IFT81: variants seen among roughly 807,000 people sequenced by gnomAD.
IFT81 encodes the protein intraflagellar transport protein 81 homolog.
Under a neutral mutation model 102.6 loss-of-function variants are expected in IFT81, and 72 were observed. The ratio of observed to expected loss-of-function variants is 0.70; its 90% CI spans 0.58 to 0.85. IFT81 has a LOEUF of 0.85. IFT81 is among the 40% of genes least tolerant of loss of function. The pLI is 0.00. For missense variants in IFT81, 723 were observed against 787.3 expected, an observed-to-expected ratio of 0.92 and a Z score of 0.98; for synonymous variants, 237 against 242.7, an observed-to-expected ratio of 0.98 and a Z score of 0.22.
intron 14 of IFT81, chr12:110,203,615 T>C (rs1898418248): frequency 4.9e-6 from 2 of 409,818 alleles, no homozygotes; most frequent in African/African-American, 4.1e-5. Context: ...TTGGCTGTTT[T>C]ATTCACTATT....
At chr12:110,168,592 G>A (rs1018491820) in intron 11 of IFT81, 1 of 295,032 alleles carries the variant, frequency 3.4e-6, no homozygotes, top group Non-Finnish European at 5.0e-6. Context: ...TTGACTTCAT[G>A]TTTTAAGAGA....
chr12:110,162,331 C>CTTTTTTTTTTTTTTTTTTTTTTTT (rs1160267123), intron 10 of IFT81: 1 of 100,078 alleles, frequency 1.0e-5, no homozygotes, highest in Non-Finnish European at 1.9e-5. Context: ...TAATATTTTT[C>CTTTTTTTTTTTTTTTTTTTTTTTT]TTTTTTTTTT....
At chr12:110,210,730 GA>G (rs926241121) in intron 18 of IFT81, among the ~76,000 whole-genome samples, 10 of 144,556 alleles carry the variant, frequency 6.9e-5, no homozygotes, top group East Asian at 4.1e-4. Flanking sequence ...GTGACAGAGT[GA>G]AAAAAAAAAG....
chr12:110,130,204 C>CAT (rs1264713505), intron 4 of IFT81, among the ~76,000 whole-genome samples: 1 of 152,052 alleles, frequency 6.6e-6, no homozygotes, highest in Non-Finnish European at 1.5e-5. Context: ...CAGTAGATGC[C>CAT]ATGGGAGAAG....
intron 11 of IFT81, among the ~76,000 whole-genome samples, chr12:110,178,798 G>C: frequency 6.7e-6 from 1 of 148,950 alleles, no homozygotes; most frequent in African/African-American, 2.5e-5. Context: ...TGTATTTTTA[G>C]TAGAGATGGG....
intron 17 of IFT81, among the ~76,000 whole-genome samples, chr12:110,207,866 C>A (rs914642228): frequency 6.6e-6 from 1 of 152,076 alleles, no homozygotes; most frequent in African/African-American, 2.4e-5. Context: ...TTAAATCTCA[C>A]ATTTTGTCTT....
intron 11 of IFT81, among the ~76,000 whole-genome samples, chr12:110,180,183 T>C (rs79644879): frequency 1.8e-5 from 2 of 108,468 alleles, no homozygotes; most frequent in Non-Finnish European, 4.3e-5. Context: ...TTTAACCTGG[T>C]TAGGGATGAA....
At chr12:110,191,316 G>A (rs1397307918) in intron 13 of IFT81, among the ~76,000 whole-genome samples, 1 of 151,988 alleles carries the variant, frequency 6.6e-6, no homozygotes, top group Non-Finnish European at 1.5e-5. Context: ...GACTACAGGT[G>A]TGTGCCACCA....
chr12:110,201,293 T>C (rs1192562241), intron 14 of IFT81, among the ~76,000 whole-genome samples: 2 of 151,768 alleles, frequency 1.3e-5, no homozygotes, highest in Admixed American at 1.3e-4. Context: ...TCCCAGCTAC[T>C]TGGGAAGCTG....
chr12:110,197,049 ATT>A (rs2137562849), intron 14 of IFT81, among the ~76,000 whole-genome samples: 1 of 152,202 alleles, frequency 6.6e-6, no homozygotes, highest in East Asian at 1.9e-4. Context: ...AAGTAAAAAA[ATT>A]AGCTGAGCAT....
intron 11 of IFT81, among the ~76,000 whole-genome samples, chr12:110,174,720 C>T (rs924496956): frequency 1.3e-5 from 2 of 152,096 alleles, no homozygotes; most frequent in Non-Finnish European, 2.9e-5. Flanking sequence ...AAATAAACTG[C>T]CTATCCATTA....
At chr12:110,175,935 G>A (rs1378127672) in intron 11 of IFT81, among the ~76,000 whole-genome samples, 1 of 151,846 alleles carries the variant, frequency 6.6e-6, no homozygotes, top group African/African-American at 2.4e-5. Context: ...CAATAAACTT[G>A]CTTGTTTGCT....
intron 4 of IFT81, among the ~76,000 whole-genome samples, chr12:110,131,600 A>C (rs1222686659): frequency 2.0e-5 from 3 of 152,066 alleles, no homozygotes; most frequent in Admixed American, 2.0e-4. Flanking sequence ...CATCTGCCTC[A>C]GCATCCCAAA....
chr12:110,213,341 G>T (rs1869709366), intron 18 of IFT81, among the ~76,000 whole-genome samples: 1 of 151,708 alleles, frequency 6.6e-6, no homozygotes, highest in African/African-American at 2.4e-5. Flanking sequence ...TTTGAACTTT[G>T]CTGTTGGTAA....
Position 110,209,233 on chromosome 12 carries a change from A to T in IFT81, c.1848+17A>T. 7.5e-7 allele frequency: 1 copy of T among 1,339,056 alleles called. No individual in the cohort carries two copies. Among genetic ancestry groups the T allele is most frequent in the Non-Finnish European group, 1.1e-6 (1 of 941,486 alleles). 82.9% of individuals were successfully genotyped at this position (1,339,056 alleles called of 1,614,324 possible). A position where few individuals can be genotyped will look rare whatever the true frequency, so the allele number is the denominator to read the frequency against. ...CTTGGAAAGGTAAGAATTATTATTT[A>T]TTTTTTTAAATGTGTCTAACTGATT... On this transcript the variant is annotated intron_variant, in intron 18 of 18. Transcript: ENST00000242591.
At chr12:110,136,128 T>G (rs993354072) in intron 7 of IFT81, among the ~76,000 whole-genome samples, 10 of 152,214 alleles carry the variant, frequency 6.6e-5, no homozygotes, top group Non-Finnish European at 1.3e-4. Flanking sequence ...CTCTGCAGTT[T>G]ACTACAATGG....
chr12:110,180,447 G>T lies in IFT81; in HGVS notation c.1214G>T (p.Arg405Leu). 6.2e-7 allele frequency: 1 copy of T among 1,605,062 alleles called. No homozygotes were observed. The highest frequency in any genetic ancestry group is 2.2e-5 in the East Asian group (1 of 44,716). ...DEFKRYVNKLRSKSTVFKKKH... is the reference protein window; with the variant it reads ...DEFKRYVNKLLSKSTVFKKKH... ...TTCAAACGATATGTCAATAAACTTC[G>T]AAGCAAGAGTACAGTTTTCAAAAAG... The change falls in exon 12 of 19, where the codon CGA becomes CTA. Residue 405 changes from arginine to leucine, a missense_variant. Arg to Leu is a moderately radical substitution (Grantham distance 102). Transcript: ENST00000242591.
chr12:110,179,256 C>A (rs1897180655), intron 11 of IFT81, among the ~76,000 whole-genome samples: 1 of 152,114 alleles, frequency 6.6e-6, no homozygotes, highest in Non-Finnish European at 1.5e-5. Flanking sequence ...GGACTGCTAC[C>A]AAAATAGTAC....
chr12:110,128,933 G>A lies in IFT81; in HGVS notation c.249-17G>A, dbSNP rs1289282810. 11 of 1,604,282 alleles carry A rather than the reference G, an allele frequency of 6.9e-6. No individual in the cohort carries two copies. Among genetic ancestry groups the A allele is most frequent in the Non-Finnish European group, 9.4e-6 (11 of 1,173,326 alleles). On this transcript the variant is annotated splice_polypyrimidine_tract_variant and intron_variant, in intron 3 of 18. Coordinates refer to ENST00000242591, the MANE Select transcript of IFT81 (RefSeq NM_014055.4). ...GTTAAGTGCGTGTGTGTTTGTGTATGTGTGTTTCTCTCTTAGGAGTACTTT... is the reference window on the plus strand; with the variant it reads ...GTTAAGTGCGTGTGTGTTTGTGTATATGTGTTTCTCTCTTAGGAGTACTTT...
Sources: allele counts gnomAD v4.1 joint callset (sites outside exome capture counted in the v4.1 genomes callset), GRCh38; gene constraint gnomAD v4.1.1; transcripts MANE v1.5; gene names NCBI Gene and HGNC (gene_info 2026-07-23, HGNC 2026-07-21).